Variants in RABGAP1L observed in about 807,000 individuals in gnomAD.
RABGAP1L encodes the protein RAB GTPase activating protein 1 like, also known as rab GTPase-activating protein 1-like.
Under a neutral mutation model 137.7 loss-of-function variants are expected in RABGAP1L, and 63 were observed. The observed-to-expected ratio is 0.46, with a 90% confidence interval of 0.37 to 0.56. The LOEUF (loss-of-function observed/expected upper bound fraction) is 0.56. Among genes scored for constraint, RABGAP1L ranks in the 20% least tolerant of loss-of-function variants. RABGAP1L has a pLI of 0.00. For synonymous variants in RABGAP1L, 431 were observed against 433.7 expected, an observed-to-expected ratio of 0.99 and a Z score of 0.08; for missense variants, 1,095 against 1,244.0, an observed-to-expected ratio of 0.88 and a Z score of 1.80.
intron 3 of RABGAP1L, among the ~76,000 whole-genome samples, chr1:174,229,074 G>A (rs1215731354): frequency 2.0e-5 from 3 of 151,770 alleles, no homozygotes; most frequent in African/African-American, 4.8e-5. Context: ...CGAAGCAATC[G>A]TAGATTCATT....
chr1:174,610,162 G>A (rs1447236245), intron 13 of RABGAP1L, among the ~76,000 whole-genome samples: 1 of 148,794 alleles, frequency 6.7e-6, no homozygotes, highest in African/African-American at 2.5e-5. Flanking sequence ...CCATTAACTC[G>A]TCATTTAGCA....
intron 14 of RABGAP1L, among the ~76,000 whole-genome samples, chr1:174,652,946 C>T (rs1675656060): frequency 6.6e-6 from 1 of 152,208 alleles, no homozygotes; most frequent in African/African-American, 2.4e-5. Context: ...GGAGTTTTAT[C>T]TCTAAGGTCC....
intron 11 of RABGAP1L, among the ~76,000 whole-genome samples, chr1:174,314,651 T>C (rs1421247523): frequency 6.6e-6 from 1 of 152,166 alleles, no homozygotes; most frequent in African/African-American, 2.4e-5. Flanking sequence ...TAAACTTCCC[T>C]CTTTGTACTG....
intron 18 of RABGAP1L, among the ~76,000 whole-genome samples, chr1:174,796,605 G>T (rs571363254): frequency 4.6e-5 from 7 of 152,292 alleles, no homozygotes; most frequent in Admixed American, 6.5e-5. Context: ...AAACATGAGG[G>T]ATTTTTGATG....
At chr1:174,718,546 T>C (rs74126867) in intron 17 of RABGAP1L, among the ~76,000 whole-genome samples, 1,796 of 152,332 alleles carry the variant, frequency 0.012, 51 homozygotes, top group African/African-American at 0.042. Flanking sequence ...GATGTCTCAG[T>C]TGGATATTAC....
chr1:174,278,659 G>A lies in RABGAP1L; in HGVS notation c.1203G>A (p.Glu401=). Residue 401 remains glutamate (E), a synonymous_variant, in exon 10 of 26, where the codon GAG becomes GAA. Transcript: ENST00000681986. ...MTVAVDMVVT[E]VVEPVRFLLE... is the part of the protein sequence containing the mutation. ...TGGCAGTGGATATGGTAGTCACAGA[G>A]GTGGTGGAGCCTGTTCGCTTTCTCC... The A allele has an allele frequency of 6.2e-7, 1 of 1,613,626 alleles. No individual in the cohort carries two copies. The highest frequency in any genetic ancestry group is 8.5e-7 in the Non-Finnish European group (1 of 1,179,786).
At chr1:174,710,966 G>T (rs1028775945) in intron 17 of RABGAP1L, among the ~76,000 whole-genome samples, 2 of 152,140 alleles carry the variant, frequency 1.3e-5, no homozygotes, top group Non-Finnish European at 2.9e-5. Context: ...GCCCACGGTG[G>T]CGGGGAGGCT....
At chr1:174,603,104 G>A (rs927166739) in intron 13 of RABGAP1L, among the ~76,000 whole-genome samples, 2 of 152,080 alleles carry the variant, frequency 1.3e-5, no homozygotes, top group Non-Finnish European at 2.9e-5. Flanking sequence ...GATTTTCCAA[G>A]CATTCTGAAG....
chr1:174,927,930 C>T (rs1196567255), intron 19 of RABGAP1L, among the ~76,000 whole-genome samples: 1 of 152,112 alleles, frequency 6.6e-6, no homozygotes, highest in Non-Finnish European at 1.5e-5. Context: ...ATTGTCGTTG[C>T]CTCTCTATTC....
chr1:174,571,303 A>T (rs1667963255), intron 13 of RABGAP1L, among the ~76,000 whole-genome samples: 1 of 152,058 alleles, frequency 6.6e-6, no homozygotes, highest in South Asian at 2.1e-4. Flanking sequence ...GTTGCAGGGG[A>T]GGAGGGATGG....
chr1:174,448,294 T>G lies in RABGAP1L; in HGVS notation c.1710+54149T>G. The G allele has an allele frequency of 6.2e-7, 1 of 1,613,082 alleles. No homozygotes were observed. The highest frequency in any genetic ancestry group is 2.2e-5 in the East Asian group (1 of 44,858). On this transcript the variant is annotated intron_variant, in intron 13 of 25. Coordinates refer to ENST00000681986, the MANE Select transcript of RABGAP1L (RefSeq NM_001366446.1). The surrounding 1 kb of genome is among the most constrained non-coding windows in gnomAD (Gnocchi z 4.2). The stretch of plus-strand genomic sequence containing the variant: ...TGATCATTGCTGGGAATCTAACAGT[T>G]ATCTTTGTCTTTCATTGTGCTCCAC...
intron 18 of RABGAP1L, among the ~76,000 whole-genome samples, chr1:174,766,531 TC>T (rs1685685176): frequency 6.6e-6 from 1 of 152,220 alleles, no homozygotes; most frequent in Non-Finnish European, 1.5e-5. Context: ...GTGTGCATTC[TC>T]CAGTTTTGTT....
chr1:174,718,259 T>C (rs1681185889), intron 17 of RABGAP1L, among the ~76,000 whole-genome samples: 1 of 152,166 alleles, frequency 6.6e-6, no homozygotes, highest in South Asian at 2.1e-4. Flanking sequence ...TCCAATCAGG[T>C]TGAAGAAGAA....
intron 11 of RABGAP1L, among the ~76,000 whole-genome samples, chr1:174,319,184 A>G (rs558613945): frequency 6.6e-6 from 1 of 152,030 alleles, no homozygotes; most frequent in Non-Finnish European, 1.5e-5. Flanking sequence ...TTCTTGTAAG[A>G]CAGATCTGGT....
chr1:174,581,507 G>C (rs879329059), intron 13 of RABGAP1L, among the ~76,000 whole-genome samples: 5 of 152,194 alleles, frequency 3.3e-5, no homozygotes, highest in African/African-American at 4.8e-5. Context: ...GATACTGAAA[G>C]TAGAGGCTAC....
chr1:174,918,900 C>T (rs968904895), intron 19 of RABGAP1L, among the ~76,000 whole-genome samples: 4 of 152,042 alleles, frequency 2.6e-5, no homozygotes, highest in Admixed American at 1.3e-4. Context: ...CTTGTAGTCT[C>T]GGCTATTCAG....
rs115328314 is a variant in RABGAP1L at position 174,259,725 on chromosome 1, A to G, written c.986+7135A>G. Among the ~76,000 whole-genome samples the G allele has an allele frequency of 3.9e-3, 591 of 152,342 alleles. 4 individuals carry two copies. Among genetic ancestry groups the G allele is most frequent in the African/African-American group, 0.012 (509 of 41,576 alleles). On this transcript the variant is annotated intron_variant, in intron 7 of 25. Coordinates refer to ENST00000681986, the MANE Select transcript of RABGAP1L (RefSeq NM_001366446.1). ...ATCACATATTAAGCTTTATTTAATA[A>G]CTGGATATAAAAGAGCAATAATAAT...
chr1:174,674,385 A>G (rs568821637), intron 14 of RABGAP1L, among the ~76,000 whole-genome samples: 55 of 150,066 alleles, frequency 3.7e-4, no homozygotes, highest in Non-Finnish European at 6.2e-4. Flanking sequence ...ATGATTTCCA[A>G]TTTCATCCAT....
At chr1:174,531,105 T>G (rs1356047276) in intron 13 of RABGAP1L, among the ~76,000 whole-genome samples, 1 of 151,750 alleles carries the variant, frequency 6.6e-6, no homozygotes, top group Non-Finnish European at 1.5e-5. Context: ...CACAAGGGAG[T>G]ATATAGTAGA....
Sources: allele counts gnomAD v4.1 joint callset (sites outside exome capture counted in the v4.1 genomes callset), GRCh38; gene constraint gnomAD v4.1.1; non-coding constraint Gnocchi (gnomAD v3.1); transcripts MANE v1.5; gene names NCBI Gene and HGNC (gene_info 2026-07-23, HGNC 2026-07-21).